The following IMMT variants were observed in gnomAD, a reference collection of about 807,000 sequenced individuals.
IMMT encodes inner membrane mitochondrial protein.
A neutral mutation model predicts 92.7 loss-of-function variants in IMMT; 40 were observed. That is an observed-to-expected ratio of 0.43 (90% CI 0.34 to 0.56). IMMT has a LOEUF of 0.56. Ranked by LOEUF, IMMT falls within the 20% of genes least tolerant of loss-of-function variation. The probability of loss-of-function intolerance (pLI) is 0.03; values close to 1 mark genes in which losing one functional copy is unlikely to be tolerated. For missense variants in IMMT, 831 were observed against 912.1 expected, an observed-to-expected ratio of 0.91 and a Z score of 1.14; for synonymous variants, 322 against 336.1, an observed-to-expected ratio of 0.96 and a Z score of 0.46.
At chr2:86,147,991 G>A (rs878886630) in intron 12 of IMMT, among the ~76,000 whole-genome samples, 158 bp from the exon 13 acceptor site, 5 of 152,120 alleles carry the variant, frequency 3.3e-5, no homozygotes, top group South Asian at 2.1e-4. Flanking sequence ...CATGTGAAAC[G>A]GAAAACTAAA....
At chr2:86,165,389 T>C (rs1011106535) in intron 7 of IMMT, among the ~76,000 whole-genome samples, 1 of 152,244 alleles carries the variant, frequency 6.6e-6, no homozygotes, top group Non-Finnish European at 1.5e-5. Context: ...TTTCTTGGAC[T>C]TTGAATAAAA....
chr2:86,185,203 T>C (rs1162285521), intron 1 of IMMT, among the ~76,000 whole-genome samples: 1 of 151,542 alleles, frequency 6.6e-6, no homozygotes, highest in Non-Finnish European at 1.5e-5. Context: ...CCAAGTATAG[T>C]GTTCATCACA....
Position 86,181,309 on chromosome 2 carries a change from C to G in IMMT, c.109G>C (p.Gly37Arg). ...LRPCRRYSTS[G>R]SSGLTTGKIA... ...AGACATAATACATACCCAGAGCTGC[C>G]TGAAGTAGAGTATCTGCGGCATGGT... Residue 37 changes from glycine (G) to arginine (R), a missense_variant, in exon 2 of 15, where the codon GGC (glycine) becomes CGC (arginine). Gly to Arg is a moderately radical substitution (Grantham distance 125, BLOSUM62 -2). Transcript: ENST00000410111. The G allele has an allele frequency of 1.2e-6, 2 of 1,613,256 alleles. No individual in the cohort carries two copies. The highest frequency in any genetic ancestry group is 2.2e-5 in the South Asian group (2 of 91,044).
At chr2:86,191,966 T>C (rs1469124905) in intron 1 of IMMT, among the ~76,000 whole-genome samples, 1 of 152,038 alleles carries the variant, frequency 6.6e-6, no homozygotes, top group Non-Finnish European at 1.5e-5. Flanking sequence ...GCACTATGGC[T>C]CACGCCTGTA....
rs765880073 is a variant in IMMT, at chr2:86,181,345, G to A, written c.73C>T (p.Arg25Cys). 5.0e-6 allele frequency: 8 copies of A among 1,613,450 alleles called. No individual in the cohort carries two copies. The highest frequency in any genetic ancestry group is 4.4e-5 in the South Asian group (4 of 91,036). ...QSCLCGKFVL[R>C]PLRPCRRYST... Reference sequence around the variant, plus strand: ...TATCTGCGGCATGGTCGCAATGGACGGAGGACAAACTTCCCACAGAGACAA... The same window carrying A: ...TATCTGCGGCATGGTCGCAATGGACAGAGGACAAACTTCCCACAGAGACAA... Residue 25 changes from arginine (R) to cysteine (C), a missense_variant, in exon 2 of 15, where the codon CGT becomes TGT. By Grantham distance (180) the Arg-to-Cys change is radical. Coordinates refer to ENST00000410111, the MANE Select transcript of IMMT (RefSeq NM_006839.3).
chr2:86,158,545 T>G, intron 10 of IMMT, 47 bp downstream of exon 10: 1 of 1,466,906 alleles, frequency 6.8e-7, no homozygotes. Flanking sequence ...ATTCATTGAT[T>G]AGTGGTTAAA....
At chr2:86,161,397 G>A (rs1676261343) in intron 8 of IMMT, among the ~76,000 whole-genome samples, 1 of 151,524 alleles carries the variant, frequency 6.6e-6, no homozygotes. Flanking sequence ...TTGGTCTCAA[G>A]TGATCTGCCT....
chr2:86,165,021 A>G (rs766823796), intron 7 of IMMT, among the ~76,000 whole-genome samples: 1 of 152,236 alleles, frequency 6.6e-6, no homozygotes, highest in Non-Finnish European at 1.5e-5. Context: ...AACATTCCAA[A>G]ATGTGTTCAT....
intron 1 of IMMT, among the ~76,000 whole-genome samples, chr2:86,182,116 T>C (rs918856): frequency 0.88 from 133,394 of 152,132 alleles, 58,884 homozygotes; most frequent in East Asian, 0.98. Context: ...TATGTGGATC[T>C]CCTAAATTAA....
intron 13 of IMMT, among the ~76,000 whole-genome samples, chr2:86,147,428 GATACAC>G (rs1244138826): frequency 6.6e-6 from 1 of 152,206 alleles, no homozygotes; most frequent in Non-Finnish European, 1.5e-5. Flanking sequence ...ATAGGAGGAA[GATACAC>G]ATGTCAAATA....
chr2:86,161,942 C>T (rs765105652), intron 8 of IMMT, 34 bp downstream of exon 8: 8 of 1,370,032 alleles, frequency 5.8e-6, no homozygotes, highest in South Asian at 2.5e-5. Flanking sequence ...CACCAGGAGG[C>T]CCTAATTACT....
intron 12 of IMMT, among the ~76,000 whole-genome samples, chr2:86,150,640 C>CA (rs543309036): frequency 2.5e-4 from 38 of 152,274 alleles, no homozygotes; most frequent in Middle Eastern, 3.4e-3. Context: ...AACCACTTAA[C>CA]AACAATAGCA....
At chr2:86,155,745 AAC>A (rs1188275179) in intron 10 of IMMT, among the ~76,000 whole-genome samples, 2 of 152,208 alleles carry the variant, frequency 1.3e-5, no homozygotes, top group Non-Finnish European at 2.9e-5. Context: ...AATGCCTCAT[AAC>A]ACAAACCAGT....
intron 2 of IMMT, among the ~76,000 whole-genome samples, chr2:86,180,658 G>A (rs759694285): frequency 1.3e-4 from 19 of 151,738 alleles, no homozygotes; most frequent in South Asian, 2.1e-4. Context: ...AGGCCGAGGC[G>A]GATGGATCAC....
At chr2:86,182,081 C>T (rs920516659) in intron 1 of IMMT, among the ~76,000 whole-genome samples, 19 of 130,404 alleles carry the variant, frequency 1.5e-4, no homozygotes, top group African/African-American at 5.1e-4. Context: ...GAGTAAAATA[C>T]ACCTAAATAT....
rs1272478377 is a variant in IMMT, at chr2:86,162,012, G to A, written c.860C>T (p.Ala287Val). 6.2e-7 allele frequency: 1 copy of A among 1,605,316 alleles called. No homozygotes were observed. Among genetic ancestry groups the A allele is most frequent in the Admixed American group, 1.7e-5 (1 of 59,146 alleles). The change falls in exon 8 of 15, where the codon GCA (alanine) becomes GTA (valine). Residue 287 changes from alanine (A) to valine (V), a missense_variant. Physicochemically the swap from Ala to Val is moderately conservative, Grantham distance 64. Transcript: ENST00000410111. ...AAGGGCATCGGCAGCTTCATCTACT[G>A]CCTTTCTGCGTTCCTTCAATGCACC... is the stretch of plus-strand genomic sequence containing the variant. Reference protein sequence around the residue: ...VEGALKERRKAVDEAADALLK... With the variant: ...VEGALKERRKVVDEAADALLK...
intron 10 of IMMT, among the ~76,000 whole-genome samples, chr2:86,156,593 CAAAAAAA>C (rs57252871): frequency 2.2e-5 from 1 of 44,674 alleles, no homozygotes; most frequent in African/African-American, 8.3e-5. Context: ...GACTCCATCT[CAAAAAAA>C]AAAAAAAAAA....
rs751060761 is a variant in IMMT, at chr2:86,144,762, C to T, written c.1783G>A (p.Ala595Thr). The T allele has an allele frequency of 1.9e-6, 3 of 1,613,582 alleles. No individual in the cohort carries two copies. Among genetic ancestry groups the T allele is most frequent in the South Asian group, 2.2e-5 (2 of 91,080 alleles). Residue 595 changes from alanine (A) to threonine (T), a missense_variant, in exon 15 of 15, where the codon GCA becomes ACA. Physicochemically the swap from Ala to Thr is moderately conservative, Grantham distance 58 (BLOSUM62 0). Coordinates refer to ENST00000410111, the MANE Select transcript of IMMT (RefSeq NM_006839.3). ...CAGTTGGCTTTGATGGCCTCAACTG[C>T]ACTACCCAGCGGGATAGTAGGTGTT... ...AETPTIPLGS[A>T]VEAIKANCSD...
intron 10 of IMMT, 122 bp downstream of exon 10, chr2:86,158,470 A>G (rs2104859493): frequency 1.4e-6 from 1 of 726,942 alleles, no homozygotes; most frequent in Non-Finnish European, 2.2e-6. Flanking sequence ...AAAACGCTGT[A>G]ACAAAAAGAG....
Sources: allele counts gnomAD v4.1 joint callset (sites outside exome capture counted in the v4.1 genomes callset), GRCh38; gene constraint gnomAD v4.1.1; transcripts MANE v1.5; gene names NCBI Gene and HGNC (gene_info 2026-07-23, HGNC 2026-07-21).